Variants in COL2A1 observed in about 807,000 individuals in gnomAD.
The protein encoded by COL2A1 is collagen alpha-1(II) chain.
A neutral mutation model predicts 204.5 loss-of-function variants in COL2A1; 28 were observed. That is an observed-to-expected ratio of 0.14 (90% CI 0.10 to 0.19). The LOEUF (loss-of-function observed/expected upper bound fraction) is 0.19. Ranked by LOEUF, COL2A1 falls within the 10% of genes least tolerant of loss-of-function variation. COL2A1 has a pLI of 1.00. For synonymous variants in COL2A1, 708 were observed against 718.7 expected (o/e 0.99, Z 0.24); for missense variants, 1,388 against 2,027.5 (o/e 0.68, Z 6.06).
rs2136542077 is a variant in COL2A1, at chr12:47,981,374, G to A, written c.2432C>T (p.Pro811Leu). The part of the protein sequence containing the change: ...GEKGEVGPPG[P>L]AGSAGARGAP... ...GCCACGAGCACCAGCACTTCCTGCA[G>A]GACCAGGAGGTCCAACTTCTCCCTG... Residue 811 changes from proline (P) to leucine (L), a missense_variant, in exon 37 of 54, where the codon CCT (proline) becomes CTT (leucine). Physicochemically the swap from Pro to Leu is moderately conservative, Grantham distance 98 (BLOSUM62 -3). Coordinates refer to ENST00000380518, the MANE Select transcript of COL2A1 (RefSeq NM_001844.5). 5.0e-6 allele frequency: 8 copies of A among 1,612,684 alleles called. No homozygotes were observed. Among genetic ancestry groups the A allele is most frequent in the Non-Finnish European group, 6.8e-6 (8 of 1,179,794 alleles).
chr12:47,978,051 G>C lies in COL2A1; in HGVS notation c.3070C>G (p.Pro1024Ala). 6.2e-7 allele frequency: 1 copy of C among 1,613,812 alleles called. No homozygotes were observed. The highest frequency in any genetic ancestry group is 8.5e-7 in the Non-Finnish European group (1 of 1,180,020). The change falls in exon 44 of 54, where the codon CCT becomes GCT. Residue 1024 changes from proline (P) to alanine (A), a missense_variant. Pro to Ala is a conservative substitution (Grantham distance 27, BLOSUM62 -1). Coordinates refer to ENST00000380518, the MANE Select transcript of COL2A1 (RefSeq NM_001844.5). This position sits in a 1 kb window ranked among gnomAD's most constrained non-coding sequence, Gnocchi z 5.5. ...CCTGCAGGACCCGTCAGGCCAGGAG[G>C]ACCCACGGGGCCAGGAGGACCTCTG... ...GDRGPPGPVG[P>A]PGLTGPAGEP...
chr12:47,982,913 G>C lies in COL2A1; in HGVS notation c.2128C>G (p.Pro710Ala). The change falls in exon 33 of 54, where the codon CCC becomes GCC. Residue 710 changes from proline to alanine, a missense_variant. By Grantham distance (27) the Pro-to-Ala change is conservative. This residue lies in a region of COL2A1 where 884 missense variants were observed against 1,415.8 expected (regional missense o/e 0.62). Transcript: ENST00000380518. ...ERGFPGERGS[P>A]GAQGLQGPRG... ...GGACCCTGGAGGCCCTGGGCACCGG[G>C]AGAGCCACGTTCACCTGGGAAACCT... The C allele has an allele frequency of 6.2e-7, 1 of 1,613,484 alleles. No individual in the cohort carries two copies. Among genetic ancestry groups the C allele is most frequent in the Non-Finnish European group, 8.5e-7 (1 of 1,179,904 alleles).
chr12:47,989,310 G>A, intron 17 of COL2A1, 29 bp from the exon 18 acceptor site: 2 of 1,603,628 alleles, frequency 1.2e-6, no homozygotes, highest in Middle Eastern at 1.7e-4. Context: ...TGAGAAGAGA[G>A]GTGAATGCCA....
intron 2 of COL2A1, among the ~76,000 whole-genome samples, chr12:47,999,323 G>T (rs1793955): frequency 0.76 from 115,319 of 152,100 alleles, 44,285 homozygotes; most frequent in Non-Finnish European, 0.84. Flanking sequence ...CCGTCCCCAC[G>T]AGAACTCCCA....
In COL2A1 at chr12:47,974,167, G is replaced by A. The variant is rs1565665102; in HGVS notation, c.4239C>T (p.Ile1413=). Residue 1413 remains isoleucine (I), a synonymous_variant, in exon 53 of 54, where the codon ATC becomes ATT. Transcript: ENST00000380518. ...GGATCTCCACGTCATTGGAGCCCTG[G>A]ATGAGCAGGGCCTTCTTGAGGTTGC... is the stretch of plus-strand genomic sequence containing the variant. The part of the protein sequence containing the change: ...AAGNLKKALL[I]QGSNDVEIRA... 1 of 1,614,232 alleles carries A rather than the reference G, an allele frequency of 6.2e-7. No homozygotes were observed. Among genetic ancestry groups the A allele is most frequent in the Admixed American group, 1.7e-5 (1 of 60,020 alleles).
At chr12:47,992,998 C>T (rs746151541) in intron 15 of COL2A1, 67 bp from the exon 16 acceptor site, 7 of 1,473,324 alleles carry the variant, frequency 4.8e-6, no homozygotes, top group Non-Finnish European at 6.6e-6. Flanking sequence ...ACCATTTCTA[C>T]CTGCAGGCCC....
At position 47,973,224 on chromosome 12, in the gene COL2A1, C is replaced by T; in HGVS notation, c.*183G>A. The T allele has an allele frequency of 1.4e-6, 1 of 730,640 alleles. No individual in the cohort carries two copies. The highest frequency in any genetic ancestry group is 2.6e-5 in the East Asian group (1 of 38,766). 45.3% of individuals were successfully genotyped at this position (730,640 alleles called of 1,614,324 possible). ...AATAGAACACCGAGATTTTATTTTGCAGTCTGCCCAGTTCAGGTCTCTTAG... is the reference window on the plus strand; with the variant it reads ...AATAGAACACCGAGATTTTATTTTGTAGTCTGCCCAGTTCAGGTCTCTTAG... On this transcript the variant is annotated 3_prime_UTR_variant, in exon 54 of 54. Transcript: ENST00000380518.
Position 47,976,748 on chromosome 12 carries a change from G to C in COL2A1, c.3435+64C>G. The C allele has an allele frequency of 1.3e-6, 2 of 1,487,686 alleles. No individual in the cohort carries two copies. The highest frequency in any genetic ancestry group is 2.3e-5 in the South Asian group (2 of 85,704). 92.2% of individuals were successfully genotyped at this position (1,487,686 alleles called of 1,614,324 possible). On this transcript the variant is annotated intron_variant, in intron 48 of 53. Coordinates refer to ENST00000380518, the MANE Select transcript of COL2A1 (RefSeq NM_001844.5). This position sits in a 1 kb window ranked among gnomAD's most constrained non-coding sequence, Gnocchi z 4.3. Reference sequence around the variant, plus strand: ...TCCCAAGCTGTCCTGGCAGCACAGGGAGCTCAAGTGGGCTCTGTGTGGCAG... The same window carrying C: ...TCCCAAGCTGTCCTGGCAGCACAGGCAGCTCAAGTGGGCTCTGTGTGGCAG...
At position 47,998,057 on chromosome 12, in the gene COL2A1, C is replaced by G. The variant is rs201192882; in HGVS notation, c.350G>C (p.Gly117Ala). The G allele has an allele frequency of 9.8e-5, 158 of 1,614,060 alleles. No individual in the cohort carries two copies. The highest frequency in any genetic ancestry group is 1.3e-4 in the Non-Finnish European group (154 of 1,180,046). The change falls in exon 5 of 54, where the codon GGA becomes GCA. Residue 117 changes from glycine to alanine, a missense_variant. Around this residue, in one of 3 missense-constraint regions of COL2A1, gnomAD observed 201 missense variants for 242.4 expected, o/e 0.83. Transcript: ENST00000380518. The part of the protein sequence containing the change: ...GEPGDIKDIV[G>A]PKGPPGPQGP... ...CTGAGGCCCAGGAGGTCCTTTGGGT[C>G]CTACAATCTGTGAGAGAGAGCCCCA...
intron 35 of COL2A1, 54 bp downstream of exon 35, chr12:47,982,053 G>C: frequency 6.4e-7 from 1 of 1,558,202 alleles, no homozygotes. Context: ...TGCTCTCCTG[G>C]GTGCAGGGCT....
rs372266661 is a variant in COL2A1, at chr12:47,974,349, G to C, written c.4075-18C>G. 1 of 1,613,006 alleles carries C rather than the reference G, an allele frequency of 6.2e-7. No individual in the cohort carries two copies. Among genetic ancestry groups the C allele is most frequent in the Admixed American group, 1.7e-5 (1 of 60,010 alleles). On this transcript the variant is annotated intron_variant, in intron 52 of 53. Transcript: ENST00000380518. Reference sequence around the variant, plus strand: ...TAGCTGAACTGTTGGGGCAGAGAGCGGCAGTGTGAGGCCTGGGAGCTGGCA... The same window carrying C: ...TAGCTGAACTGTTGGGGCAGAGAGCCGCAGTGTGAGGCCTGGGAGCTGGCA...
intron 12 of COL2A1, 152 bp downstream of exon 12, chr12:47,994,272 G>A (rs1029241327): frequency 2.0e-5 from 20 of 979,388 alleles, no homozygotes; most frequent in Non-Finnish European, 3.1e-5. Context: ...ATGAGAGCCT[G>A]AGTGGAAATT....
chr12:47,975,024 A>C (rs1336162360), intron 51 of COL2A1, among the ~76,000 whole-genome samples, 162 bp from the exon 52 acceptor site: 1 of 152,192 alleles, frequency 6.6e-6, no homozygotes, highest in Non-Finnish European at 1.5e-5. Flanking sequence ...ATGCAGGGGC[A>C]GGGAGATCTG....
At position 47,986,550 on chromosome 12, in the gene COL2A1, G is replaced by GT. The variant is rs539368359; in HGVS notation, c.1420-108_1420-107insA. 1.2e-4 allele frequency: 90 copies of GT among 780,054 alleles called. 1 individual carries two copies. The highest frequency in any genetic ancestry group is 7.0e-4 in the South Asian group (45 of 64,148). The allele number at this position is 780,054 out of a possible 1,614,324, so 48.3% of individuals were successfully genotyped here. ...AGCCTTGGCAACTGTTTCAGGGCTG[G>GT]GGGGGGGCTTGAGGACGAGAGGCCA... On this transcript the variant is annotated intron_variant, in intron 22 of 53. Coordinates refer to ENST00000380518, the MANE Select transcript of COL2A1 (RefSeq NM_001844.5).
At chr12:47,973,651 A>C (rs1241072095) in intron 53 of COL2A1, 98 bp from the exon 54 acceptor site, 1 of 1,442,062 alleles carries the variant, frequency 6.9e-7, no homozygotes, top group African/African-American at 1.4e-5. Flanking sequence ...GGCGAGCATC[A>C]GAGCCCACAA....
At chr12:47,991,428 G>A (rs1190110470) in intron 16 of COL2A1, among the ~76,000 whole-genome samples, 5 of 152,106 alleles carry the variant, frequency 3.3e-5, no homozygotes, top group Admixed American at 6.5e-5. Flanking sequence ...AGCCTACCCC[G>A]TGTCTGGGGC....
chr12:47,973,359 G>C lies in COL2A1; in HGVS notation c.*48C>G. 1 of 1,613,006 alleles carries C rather than the reference G, an allele frequency of 6.2e-7. No individual in the cohort carries two copies. The highest frequency in any genetic ancestry group is 8.5e-7 in the Non-Finnish European group (1 of 1,178,996). ...GAGTGACTGAGATTGGAAAGTACTT[G>C]GGTCCTTTGGGTTTGCAACGGATTG... On this transcript the variant is annotated 3_prime_UTR_variant, in exon 54 of 54. Transcript: ENST00000380518.
chr12:47,977,450 C>T (rs576509273), intron 45 of COL2A1, 23 bp from the exon 46 acceptor site: 1 of 1,600,862 alleles, frequency 6.2e-7, no homozygotes, highest in Non-Finnish European at 8.6e-7. Context: ...AGGTCTCAGG[C>T]TCAGAGAAGA....
At position 47,974,202 on chromosome 12, in the gene COL2A1, C is replaced by T. The variant is rs759583931; in HGVS notation, c.4204G>A (p.Glu1402Lys). 16 of 1,614,124 alleles carry T rather than the reference C, an allele frequency of 9.9e-6. No homozygotes were observed. Among genetic ancestry groups the T allele is most frequent in the East Asian group, 2.2e-5 (1 of 44,892 alleles). The change falls in exon 53 of 54, where the codon GAA (glutamate) becomes AAA (lysine). Residue 1402 changes from glutamate (E) to lysine (K), a missense_variant. This residue lies in a region of COL2A1 where 303 missense variants were observed against 369.2 expected (regional missense o/e 0.82). Transcript: ENST00000380518. The part of the protein sequence containing the change: ...HCKNSIAYLD[E>K]AAGNLKKALL... ...GCCTTCTTGAGGTTGCCAGCTGCTTCGTCCAGATAGGCAATGCTGTTCTTG... is the reference window on the plus strand; with the variant it reads ...GCCTTCTTGAGGTTGCCAGCTGCTTTGTCCAGATAGGCAATGCTGTTCTTG...
Sources: allele counts gnomAD v4.1 joint callset (sites outside exome capture counted in the v4.1 genomes callset), GRCh38; gene constraint gnomAD v4.1.1; regional missense constraint gnomAD v4.1.1; non-coding constraint Gnocchi (gnomAD v3.1); transcripts MANE v1.5; gene names NCBI Gene and HGNC (gene_info 2026-07-23, HGNC 2026-07-21).